Variants in CNKSR2 observed in about 807,000 individuals in gnomAD.
CNKSR2 encodes CNK homolog protein 2.
CNKSR2 carries 14 observed loss-of-function variants against 84.4 expected under a neutral mutation model. The observed-to-expected ratio is 0.17, with a 90% CI of 0.11 to 0.26. The LOEUF (loss-of-function observed/expected upper bound fraction) is 0.26, where lower values mean the gene tolerates loss of function less well. CNKSR2 is among the 10% of genes least tolerant of loss of function. The probability of loss-of-function intolerance (pLI) is 1.00; values close to 1 mark genes in which losing one functional copy is unlikely to be tolerated. For synonymous variants in CNKSR2, 275 were observed against 277.9 expected (o/e 0.99, Z 0.10); for missense variants, 485 against 771.2 (o/e 0.63, Z 4.40).
At chrX:21,590,264 A>G (rs1023733957) in intron 13 of CNKSR2, among the ~76,000 whole-genome samples, 5 of 111,963 alleles carry the variant, frequency 4.5e-5, no homozygotes, top group Non-Finnish European at 9.4e-5. Flanking sequence ...GCAAACCACA[A>G]TATACCCGTG....
intron 1 of CNKSR2, among the ~76,000 whole-genome samples, chrX:21,376,076 G>A (rs1201270041): frequency 8.9e-6 from 1 of 112,490 alleles, no homozygotes; most frequent in Non-Finnish European, 1.9e-5. Context: ...AGGTAGATCA[G>A]TCAGGGACCA....
intron 13 of CNKSR2, among the ~76,000 whole-genome samples, chrX:21,572,855 C>G (rs1230566930): frequency 2.7e-5 from 3 of 111,166 alleles, no homozygotes; most frequent in Non-Finnish European, 5.7e-5. Context: ...ATTTCATGTC[C>G]TCACATTTCA....
At chrX:21,608,394 C>G (rs1247323514) in intron 19 of CNKSR2, among the ~76,000 whole-genome samples, 1 of 111,795 alleles carries the variant, frequency 8.9e-6, no homozygotes, top group Non-Finnish European at 1.9e-5. Context: ...ATGTTTTGTG[C>G]TATAACATAT....
intron 11 of CNKSR2, among the ~76,000 whole-genome samples, chrX:21,546,632 T>A (rs1485424573): frequency 9.0e-6 from 1 of 110,717 alleles, no homozygotes; most frequent in East Asian, 2.8e-4. Flanking sequence ...ATCATCAGAT[T>A]TACCAAGTTT....
At chrX:21,597,404 T>G (rs73451494) in intron 17 of CNKSR2, among the ~76,000 whole-genome samples, 3,466 of 111,639 alleles carry the variant, frequency 0.031, 133 homozygotes, top group African/African-American at 0.11. Flanking sequence ...AAAGGCCGTC[T>G]CCACATTATA....
At chrX:21,561,337 A>G (rs371800496) in intron 11 of CNKSR2, 134 bp from the exon 12 acceptor site, 53 of 531,956 alleles carry the variant, frequency 1.0e-4, no homozygotes, top group East Asian at 6.6e-4. Context: ...CATTTTCTCC[A>G]TCTACACAAA....
intron 18 of CNKSR2, among the ~76,000 whole-genome samples, chrX:21,602,183 G>A (rs2092486675): frequency 1.8e-5 from 2 of 110,796 alleles, no homozygotes; most frequent in Non-Finnish European, 3.8e-5. Context: ...CCGATGCCCA[G>A]GCTGAAGTGC....
intron 9 of CNKSR2, among the ~76,000 whole-genome samples, chrX:21,524,911 G>T (rs1190880556): frequency 9.0e-6 from 1 of 111,338 alleles, no homozygotes; most frequent in African/African-American, 3.2e-5. Context: ...CATTTAAAAA[G>T]CATACTGAAT....
At chrX:21,435,919 T>C (rs1246376128) in intron 3 of CNKSR2, among the ~76,000 whole-genome samples, 3 of 111,626 alleles carry the variant, frequency 2.7e-5, no homozygotes, top group African/African-American at 9.8e-5. Flanking sequence ...GTGAGATCTC[T>C]TGATATCATT....
intron 1 of CNKSR2, among the ~76,000 whole-genome samples, chrX:21,391,632 C>G (rs73449418): frequency 0.016 from 1,746 of 112,140 alleles, 38 homozygotes; most frequent in African/African-American, 0.054. Flanking sequence ...CTCTGGGCCT[C>G]TGACACGAGG....
chrX:21,473,547 T>TG (rs1269741081), intron 5 of CNKSR2, among the ~76,000 whole-genome samples: 7 of 108,785 alleles, frequency 6.4e-5, no homozygotes, highest in South Asian at 4.0e-4. Flanking sequence ...CTCGGTGAGC[T>TG]GAATCAAGTG....
At chrX:21,560,484 T>C (rs931319938) in intron 11 of CNKSR2, among the ~76,000 whole-genome samples, 1 of 111,323 alleles carries the variant, frequency 9.0e-6, no homozygotes, top group East Asian at 2.8e-4. Context: ...TTAATACTTA[T>C]GAAACTCTTA....
intron 13 of CNKSR2, among the ~76,000 whole-genome samples, chrX:21,587,755 A>G (rs924567875): frequency 2.7e-5 from 3 of 111,806 alleles, no homozygotes; most frequent in Non-Finnish European, 1.9e-5. Context: ...TCCATTATTT[A>G]TGAATAATGA....
chrX:21,480,986 T>A (rs1312666313), intron 5 of CNKSR2, among the ~76,000 whole-genome samples: 1 of 112,009 alleles, frequency 8.9e-6, no homozygotes, highest in Non-Finnish European at 1.9e-5. Flanking sequence ...GCTCTGCCAT[T>A]TAAAAGTTGA....
intron 17 of CNKSR2, among the ~76,000 whole-genome samples, chrX:21,600,091 G>A (rs2092473204): frequency 9.0e-6 from 1 of 111,712 alleles, no homozygotes; most frequent in South Asian, 3.8e-4. Context: ...ATAAAGTTAG[G>A]TTTTAATTGA....
intron 13 of CNKSR2, among the ~76,000 whole-genome samples, chrX:21,575,730 A>G (rs748630641): frequency 9.0e-6 from 1 of 111,559 alleles, no homozygotes; most frequent in East Asian, 2.8e-4. Flanking sequence ...ATCAATAGGC[A>G]CCGACAAAAT....
rs1440220056 is a variant in CNKSR2, at chrX:21,606,814, A to G, written c.2080A>G (p.Thr694Ala). ...WSESDKEEAD[T>A]PSTPKQDSPP... is the part of the protein sequence containing the mutation. ...TGAGAGTGACAAGGAAGAAGCAGAT[A>G]CTCCATCAACACCAAAACAAGATAG... The change falls in exon 19 of 22, where the codon ACT (threonine) becomes GCT (alanine). Residue 694 changes from threonine to alanine, a missense_variant. By Grantham distance (58) the Thr-to-Ala change is moderately conservative. Transcript: ENST00000379510. 1 of 1,200,425 alleles carries G rather than the reference A, an allele frequency of 8.3e-7. No individual in the cohort carries two copies. The highest frequency in any genetic ancestry group is 1.1e-6 in the Non-Finnish European group (1 of 887,846).
At chrX:21,538,245 TTGAGTA>T (rs1319724294) in intron 11 of CNKSR2, 1 of 111,823 alleles carries the variant, frequency 8.9e-6, no homozygotes, top group African/African-American at 3.3e-5. Context: ...TTTCAGCACT[TTGAGTA>T]TATCATCCCA....
At chrX:21,414,677 G>C (rs1396468627) in intron 1 of CNKSR2, among the ~76,000 whole-genome samples, 1 of 111,867 alleles carries the variant, frequency 8.9e-6, no homozygotes, top group Non-Finnish European at 1.9e-5. Context: ...TTTTCTGGTA[G>C]TAGTTTCATA....
Sources: allele counts gnomAD v4.1 joint callset (sites outside exome capture counted in the v4.1 genomes callset), GRCh38; gene constraint gnomAD v4.1.1; transcripts MANE v1.5; gene names NCBI Gene and HGNC (gene_info 2026-07-23, HGNC 2026-07-21).